The following SHROOM3 variants were observed in gnomAD, a reference collection of about 807,000 sequenced individuals.
SHROOM3 encodes the protein protein Shroom3.
SHROOM3 carries 47 observed loss-of-function variants against 138.6 expected under a neutral mutation model. That is an observed-to-expected ratio of 0.34 (90% confidence interval 0.27 to 0.43). The LOEUF is 0.43. SHROOM3 is among the 20% of genes least tolerant of loss of function. The pLI is 1.00. For synonymous variants in SHROOM3, 1,062 were observed against 1,063.3 expected (o/e 1.00, Z 0.02); for missense variants, 2,491 against 2,596.5 (o/e 0.96, Z 0.88).
intron 2 of SHROOM3, among the ~76,000 whole-genome samples, chr4:76,605,839 C>T (rs1038126723): frequency 5.3e-5 from 8 of 150,660 alleles, no homozygotes; most frequent in Non-Finnish European, 1.2e-4. Flanking sequence ...CATTCAATTT[C>T]TTTCTATAAC....
At chr4:76,469,062 C>T (rs1363107728) in intron 1 of SHROOM3, among the ~76,000 whole-genome samples, 1 of 150,582 alleles carries the variant, frequency 6.6e-6, no homozygotes, top group African/African-American at 2.4e-5. Flanking sequence ...ATTAGCCGGA[C>T]ATGGTGGTGT....
intron 2 of SHROOM3, among the ~76,000 whole-genome samples, chr4:76,634,122 G>GA (rs1189518842): frequency 6.6e-6 from 1 of 152,030 alleles, no homozygotes; most frequent in African/African-American, 2.4e-5. Flanking sequence ...AAATCAAAAT[G>GA]AAAGTGTCAC....
chr4:76,640,469 C>T (rs775992943), intron 2 of SHROOM3, among the ~76,000 whole-genome samples: 3 of 152,194 alleles, frequency 2.0e-5, no homozygotes, highest in Non-Finnish European at 4.4e-5. Context: ...ATATGGGAGC[C>T]TGTGCTTGAG....
At chr4:76,589,136 A>G (rs1267390563) in intron 2 of SHROOM3, among the ~76,000 whole-genome samples, 2 of 152,232 alleles carry the variant, frequency 1.3e-5, no homozygotes, top group Non-Finnish European at 2.9e-5. Context: ...ACTTGTGTGA[A>G]CCAAAACTGA....
Position 76,741,669 on chromosome 4 carries a change from G to A in SHROOM3, c.3496G>A (p.Ala1166Thr). Residue 1166 changes from alanine to threonine, a missense_variant, in exon 5 of 11, where the codon GCT becomes ACT. Around this residue, in one of 4 missense-constraint regions of SHROOM3, gnomAD observed 1,733 missense variants for 1,661.6 expected, o/e 1.04. Coordinates refer to ENST00000296043, the MANE Select transcript of SHROOM3 (RefSeq NM_020859.4). This position sits in a 1 kb window ranked among gnomAD's most constrained non-coding sequence, Gnocchi z 6.2. ...LPATVAETQQ[A>T]PRDRSSSFAG... Reference sequence around the variant, plus strand: ...GGCCACAGTTGCAGAAACCCAGCAGGCTCCCCGAGATCGCAGCAGCTCCTT... The same window carrying A: ...GGCCACAGTTGCAGAAACCCAGCAGACTCCCCGAGATCGCAGCAGCTCCTT... 6.5e-7 allele frequency: 1 copy of A among 1,550,232 alleles called. No homozygotes were observed. The highest frequency in any genetic ancestry group is 1.9e-5 in the Admixed American group (1 of 52,372).
chr4:76,602,353 T>G (rs17256523), intron 2 of SHROOM3, among the ~76,000 whole-genome samples: 41,252 of 152,094 alleles, frequency 0.27, 7,155 homozygotes, highest in Middle Eastern at 0.46. Flanking sequence ...CTCTCCTAGA[T>G]TTTATGTATT....
chr4:76,523,315 T>A (rs1333835380), intron 1 of SHROOM3, among the ~76,000 whole-genome samples: 1 of 152,216 alleles, frequency 6.6e-6, no homozygotes, highest in Non-Finnish European at 1.5e-5. Flanking sequence ...TTAACTTGAT[T>A]GTATCTGCAA....
intron 2 of SHROOM3, among the ~76,000 whole-genome samples, chr4:76,570,178 C>CACA: frequency 6.6e-6 from 1 of 152,146 alleles, no homozygotes; most frequent in Admixed American, 6.5e-5. Context: ...CACACACACA[C>CACA]ACACACGCAC....
chr4:76,623,974 T>C (rs1010108307), intron 2 of SHROOM3, among the ~76,000 whole-genome samples: 2 of 152,258 alleles, frequency 1.3e-5, no homozygotes, highest in African/African-American at 4.8e-5. Context: ...AGTTTTGTTT[T>C]GCTTTTAACC....
intron 2 of SHROOM3, among the ~76,000 whole-genome samples, chr4:76,662,008 T>TG (rs1308230159): frequency 6.6e-6 from 1 of 152,206 alleles, no homozygotes; most frequent in African/African-American, 2.4e-5. Flanking sequence ...TACTGGCAGT[T>TG]GTGTTAGTTT....
In SHROOM3 at chr4:76,665,716, T is replaced by C. The variant is rs1718674127; in HGVS notation, c.324-44440T>C. Among the ~76,000 whole-genome samples the C allele has an allele frequency of 2.0e-5, 3 of 152,246 alleles. No homozygotes were observed. The South Asian group carries it at 6.2e-4, about 32-fold the overall frequency. ...CCCTGTTCTGGTATTTTCCATGAGC[T>C]ACCTGTTGTGTTCATCTGTGGAAAA... On this transcript the variant is annotated intron_variant, in intron 2 of 10. Coordinates refer to ENST00000296043, the MANE Select transcript of SHROOM3 (RefSeq NM_020859.4).
chr4:76,497,669 C>T (rs1305360507), intron 1 of SHROOM3, among the ~76,000 whole-genome samples: 1 of 152,050 alleles, frequency 6.6e-6, no homozygotes, highest in Non-Finnish European at 1.5e-5. Context: ...ACCAGCCTGG[C>T]CAACATGGTG....
At chr4:76,608,241 C>T (rs959701838) in intron 2 of SHROOM3, among the ~76,000 whole-genome samples, 8 of 152,192 alleles carry the variant, frequency 5.3e-5, no homozygotes, top group African/African-American at 1.7e-4. Context: ...TTTTAGCTCT[C>T]GAGGGAGCGC....
intron 2 of SHROOM3, chr4:76,586,592 G>T: frequency 1.8e-6 from 1 of 544,718 alleles, no homozygotes; most frequent in Non-Finnish European, 2.3e-6. Context: ...TTAGGCCTTT[G>T]TGATGAAATC....
At chr4:76,660,402 C>T (rs548152815) in intron 2 of SHROOM3, among the ~76,000 whole-genome samples, 1 of 152,186 alleles carries the variant, frequency 6.6e-6, no homozygotes, top group South Asian at 2.1e-4. Context: ...AAATAGCTAC[C>T]CCTAGGAGAG....
intron 2 of SHROOM3, among the ~76,000 whole-genome samples, chr4:76,612,274 G>T (rs1398720458): frequency 6.6e-6 from 1 of 152,114 alleles, no homozygotes; most frequent in Non-Finnish European, 1.5e-5. Context: ...TAAACCTCTG[G>T]CTAGTTGGAA....
chr4:76,602,845 C>T (rs112282096), intron 2 of SHROOM3, among the ~76,000 whole-genome samples: 26 of 152,166 alleles, frequency 1.7e-4, no homozygotes, highest in African/African-American at 6.0e-4. Flanking sequence ...CCTCCTGGTG[C>T]CTCGGTTTCC....
chr4:76,633,332 CAAAA>C (rs56002974), intron 2 of SHROOM3, among the ~76,000 whole-genome samples: 30,100 of 83,326 alleles, frequency 0.36, 3,098 homozygotes, highest in East Asian at 0.46. Flanking sequence ...GACTCAGTCT[CAAAA>C]AAAAAAAAAA....
chr4:76,711,297 C>T (rs375982752), intron 3 of SHROOM3, among the ~76,000 whole-genome samples: 2 of 152,158 alleles, frequency 1.3e-5, no homozygotes, highest in Non-Finnish European at 2.9e-5. Flanking sequence ...CCTAGGGATG[C>T]TGAAAGGACT....
Sources: allele counts gnomAD v4.1 joint callset (sites outside exome capture counted in the v4.1 genomes callset), GRCh38; gene constraint gnomAD v4.1.1; regional missense constraint gnomAD v4.1.1; non-coding constraint Gnocchi (gnomAD v3.1); transcripts MANE v1.5; gene names NCBI Gene and HGNC (gene_info 2026-07-23, HGNC 2026-07-21).